UST: variants seen among roughly 807,000 people sequenced by gnomAD.
UST encodes uronyl 2-sulfotransferase.
Under a neutral mutation model 45.6 loss-of-function variants are expected in UST, and 21 were observed. The ratio of observed to expected loss-of-function variants is 0.46; its 90% confidence interval spans 0.33 to 0.66. The LOEUF (loss-of-function observed/expected upper bound fraction) is 0.66. UST is among the 30% of genes least tolerant of loss of function. The probability of loss-of-function intolerance (pLI) is 0.02; values close to 1 mark genes in which losing one functional copy is unlikely to be tolerated. For missense variants in UST, 463 were observed against 512.4 expected (o/e 0.90, Z 0.93); for synonymous variants, 215 against 200.6 (o/e 1.07, Z -0.61).
intron 1 of UST, among the ~76,000 whole-genome samples, chr6:148,868,515 A>C (rs1313128971): frequency 1.3e-5 from 2 of 152,218 alleles, no homozygotes; most frequent in African/African-American, 2.4e-5. Flanking sequence ...TGAGCAATTC[A>C]AAACAGCCAG....
At chr6:149,010,023 A>T (rs186478749) in intron 5 of UST, among the ~76,000 whole-genome samples, 1 of 151,806 alleles carries the variant, frequency 6.6e-6, no homozygotes, top group Admixed American at 6.5e-5. Flanking sequence ...TTTTTTAAAA[A>T]AAAAACTAGG....
intron 7 of UST, among the ~76,000 whole-genome samples, chr6:149,039,008 C>A (rs1165444945): frequency 6.6e-6 from 1 of 152,116 alleles, no homozygotes; most frequent in African/African-American, 2.4e-5. Context: ...TGTATACACA[C>A]ACACACAATA....
intron 1 of UST, among the ~76,000 whole-genome samples, chr6:148,884,649 CTT>C (rs1165371005): frequency 1.3e-5 from 2 of 151,636 alleles, no homozygotes; most frequent in African/African-American, 2.4e-5. Flanking sequence ...GGAGCTGACT[CTT>C]TTGTGTGTAG....
At chr6:148,971,744 A>G (rs992264538) in intron 5 of UST, among the ~76,000 whole-genome samples, 1 of 152,226 alleles carries the variant, frequency 6.6e-6, no homozygotes, top group African/African-American at 2.4e-5. Context: ...GGTGGGCCCC[A>G]CAGAGCCTCC....
intron 5 of UST, among the ~76,000 whole-genome samples, chr6:148,971,005 T>C (rs1358012535): frequency 6.6e-6 from 1 of 152,204 alleles, no homozygotes; most frequent in Non-Finnish European, 1.5e-5. Flanking sequence ...GGGATTAGGA[T>C]AGGGACACCT....
At chr6:148,989,277 G>A (rs1781303437) in intron 5 of UST, among the ~76,000 whole-genome samples, 1 of 142,076 alleles carries the variant, frequency 7.0e-6, no homozygotes, top group Non-Finnish European at 1.5e-5. Context: ...GAATGGTGAA[G>A]ATAGGGAAGG....
chr6:148,800,054 G>A (rs1019848485), intron 1 of UST, among the ~76,000 whole-genome samples: 2 of 152,196 alleles, frequency 1.3e-5, no homozygotes, highest in Non-Finnish European at 2.9e-5. Flanking sequence ...GCATCCTGAT[G>A]AGGAAGATTC....
intron 3 of UST, among the ~76,000 whole-genome samples, chr6:148,952,462 C>T (rs1780384406): frequency 6.6e-6 from 1 of 152,180 alleles, no homozygotes. Context: ...AATTTCATTC[C>T]TTCAATCGTT....
At position 148,794,294 on chromosome 6, in the gene UST, A is replaced by T. The variant is rs182366352; in HGVS notation, c.247+46617A>T. 2.0e-5 allele frequency among the ~76,000 whole-genome samples: 3 copies of T among 152,282 alleles called. No homozygotes were observed. The East Asian group carries it at 5.8e-4, about 29-fold the overall frequency. Reference sequence around the variant, plus strand: ...CAAGATGAACCTTCTCTTTCCTCAGAACAGCTTTAAGTTTCTTATACTTCT... The same window carrying T: ...CAAGATGAACCTTCTCTTTCCTCAGTACAGCTTTAAGTTTCTTATACTTCT... On this transcript the variant is annotated intron_variant, in intron 1 of 7. Coordinates refer to ENST00000367463, the MANE Select transcript of UST (RefSeq NM_005715.3).
chr6:149,021,912 T>C (rs1420935580), intron 7 of UST, among the ~76,000 whole-genome samples: 1 of 152,242 alleles, frequency 6.6e-6, no homozygotes, highest in Non-Finnish European at 1.5e-5. Flanking sequence ...ATCCTTGTGA[T>C]GAATTCTCTC....
chr6:149,056,222 C>CT (rs11387657), intron 7 of UST, among the ~76,000 whole-genome samples: 46,761 of 147,274 alleles, frequency 0.32, 7,810 homozygotes, highest in Middle Eastern at 0.37. Flanking sequence ...TCAAGCGACT[C>CT]TCAGCCTCCT....
chr6:148,756,506 G>A (rs1186280843), intron 1 of UST, among the ~76,000 whole-genome samples: 1 of 152,040 alleles, frequency 6.6e-6, no homozygotes, highest in East Asian at 1.9e-4. Flanking sequence ...TCTGTCTCAG[G>A]GTTTATATTG....
intron 5 of UST, among the ~76,000 whole-genome samples, chr6:148,987,398 T>C (rs1781258373): frequency 6.6e-6 from 1 of 152,144 alleles, no homozygotes; most frequent in Non-Finnish European, 1.5e-5. Flanking sequence ...GGCACTGCAG[T>C]CTCTGCACCA....
At chr6:149,041,060 C>T (rs1269093422) in intron 7 of UST, among the ~76,000 whole-genome samples, 3 of 152,314 alleles carry the variant, frequency 2.0e-5, no homozygotes, top group African/African-American at 4.8e-5. Flanking sequence ...TCCATGTTTC[C>T]CAGGTCGGCC....
chr6:148,747,340 T>A lies in UST; in HGVS notation c.-91T>A. 7.5e-7 allele frequency: 1 copy of A among 1,338,118 alleles called. No homozygotes were observed. Among genetic ancestry groups the A allele is most frequent in the Non-Finnish European group, 9.6e-7 (1 of 1,038,610 alleles). The allele number at this position is 1,338,118 out of a possible 1,614,324, so 82.9% of individuals were successfully genotyped here. A position where few individuals can be genotyped will look rare whatever the true frequency, so the allele number is the denominator to read the frequency against. ...GCTGCCCTCCGCGCGGCCCTCCCCA[T>A]GTGCAGCCGGCCAGCCGGGCTCTCC... On this transcript the variant is annotated 5_prime_UTR_variant, in exon 1 of 8. It removes an upstream start codon present in the reference 5' UTR. Coordinates refer to ENST00000367463, the MANE Select transcript of UST (RefSeq NM_005715.3).
At chr6:148,778,295 T>C (rs1336493292) in intron 1 of UST, among the ~76,000 whole-genome samples, 5 of 138,822 alleles carry the variant, frequency 3.6e-5, no homozygotes, top group Admixed American at 2.8e-4. Flanking sequence ...TTAAGCTTCT[T>C]TGTTTTCTGT....
chr6:149,003,456 A>C (rs1781590551), intron 5 of UST, among the ~76,000 whole-genome samples: 1 of 151,688 alleles, frequency 6.6e-6, no homozygotes, highest in African/African-American at 2.4e-5. Flanking sequence ...AAAAAAAAAA[A>C]CATTAAGGCA....
At chr6:148,855,293 C>G (rs948160506) in intron 1 of UST, among the ~76,000 whole-genome samples, 3 of 152,194 alleles carry the variant, frequency 2.0e-5, no homozygotes, top group Non-Finnish European at 2.9e-5. Context: ...GCTTTGCAGC[C>G]TACTTGCCTC....
Position 148,748,191 on chromosome 6 carries a change from G to A in UST, c.247+514G>A, listed in dbSNP as rs1381358506. 6.6e-6 allele frequency among the ~76,000 whole-genome samples: 1 copy of A among 152,122 alleles called. No homozygotes were observed. The highest frequency in any genetic ancestry group is 1.9e-4 in the East Asian group (1 of 5,156). On this transcript the variant is annotated intron_variant, in intron 1 of 7. Coordinates refer to ENST00000367463, the MANE Select transcript of UST (RefSeq NM_005715.3). This position sits in a 1 kb window ranked among gnomAD's most constrained non-coding sequence, Gnocchi z 5.3. ...CCGCAGATCCCCCGCCTGCCCGCCG[G>A]CCCTAGTGGCTCCGCGCTGTCCCCG...
Sources: allele counts gnomAD v4.1 joint callset (sites outside exome capture counted in the v4.1 genomes callset), GRCh38; gene constraint gnomAD v4.1.1; non-coding constraint Gnocchi (gnomAD v3.1); transcripts MANE v1.5; gene names NCBI Gene and HGNC (gene_info 2026-07-23, HGNC 2026-07-21).